Variants in DNAJC1 observed in about 807,000 individuals in gnomAD.
DNAJC1 encodes dnaJ homolog subfamily C member 1.
Under a neutral mutation model 76.6 loss-of-function variants are expected in DNAJC1, and 58 were observed. That is an observed-to-expected ratio of 0.76 (90% CI 0.61 to 0.94). The LOEUF (loss-of-function observed/expected upper bound fraction) is 0.94, where lower values mean the gene tolerates loss of function less well. DNAJC1 is among the 40% of genes least tolerant of loss of function. DNAJC1 has a pLI of 0.00. For synonymous variants in DNAJC1, 258 were observed against 267.9 expected, an observed-to-expected ratio of 0.96 and a Z score of 0.36; for missense variants, 689 against 677.3, an observed-to-expected ratio of 1.02 and a Z score of -0.19.
chr10:21,763,405 TACAG>T (rs1445561315), intron 10 of DNAJC1, among the ~76,000 whole-genome samples: 5 of 152,170 alleles, frequency 3.3e-5, no homozygotes, highest in African/African-American at 1.2e-4. Context: ...GGGAGGCAAA[TACAG>T]ACAGTCTGTG....
intron 1 of DNAJC1, among the ~76,000 whole-genome samples, chr10:21,976,469 A>T (rs1408211320): frequency 6.6e-6 from 1 of 152,186 alleles, no homozygotes; most frequent in African/African-American, 2.4e-5. Context: ...AAGTACCAAC[A>T]TCATCCCACT....
In DNAJC1 at chr10:22,003,474, T is replaced by C. The variant is rs1838561681; in HGVS notation, c.-40A>G. 3.8e-6 allele frequency: 5 copies of C among 1,329,122 alleles called. No individual in the cohort carries two copies. Among genetic ancestry groups the C allele is most frequent in the South Asian group, 2.1e-5 (1 of 47,116 alleles). 82.3% of individuals were successfully genotyped at this position (1,329,122 alleles called of 1,614,324 possible). A position where few individuals can be genotyped will look rare whatever the true frequency, so the allele number is the denominator to read the frequency against. On this transcript the variant is annotated 5_prime_UTR_variant, in exon 1 of 12. Transcript: ENST00000376980. ...AAAGGTCACCCGCCGCGCAGCTCCG[T>C]TGGCCGAGAGCTGGGACGTGGCGGG... is the stretch of plus-strand genomic sequence containing the variant.
At chr10:21,828,412 A>T (rs1835298713) in intron 8 of DNAJC1, among the ~76,000 whole-genome samples, 1 of 152,212 alleles carries the variant, frequency 6.6e-6, no homozygotes, top group Non-Finnish European at 1.5e-5. Flanking sequence ...TTAAGGTATT[A>T]TTTTCATGTT....
chr10:21,831,439 AC>A (rs1268976189), intron 8 of DNAJC1, among the ~76,000 whole-genome samples: 2 of 152,176 alleles, frequency 1.3e-5, no homozygotes, highest in Admixed American at 6.5e-5. Flanking sequence ...AACTAGATTT[AC>A]TTTTCATTCT....
intron 1 of DNAJC1, among the ~76,000 whole-genome samples, chr10:21,963,754 T>C (rs1171087530): frequency 6.6e-6 from 1 of 152,214 alleles, no homozygotes; most frequent in Non-Finnish European, 1.5e-5. Flanking sequence ...TCAATTTTTG[T>C]CTTTAGATAA....
chr10:21,812,075 T>A (rs1163115893), intron 8 of DNAJC1, among the ~76,000 whole-genome samples: 1 of 152,030 alleles, frequency 6.6e-6, no homozygotes, highest in Non-Finnish European at 1.5e-5. Context: ...TTTTTTTTTT[T>A]TGAGATGGAG....
chr10:21,792,223 A>G (rs1728433089), intron 9 of DNAJC1, among the ~76,000 whole-genome samples: 1 of 152,238 alleles, frequency 6.6e-6, no homozygotes, highest in Non-Finnish European at 1.5e-5. Context: ...ATTAGTAACT[A>G]AAAGTCTTCC....
intron 8 of DNAJC1, among the ~76,000 whole-genome samples, chr10:21,861,627 C>T (rs1376957157): frequency 1.3e-5 from 2 of 152,068 alleles, no homozygotes; most frequent in African/African-American, 4.8e-5. Flanking sequence ...GTTGATAAAA[C>T]AGGTTGCAGT....
chr10:21,975,806 A>C (rs937584071), intron 1 of DNAJC1, among the ~76,000 whole-genome samples: 1 of 152,244 alleles, frequency 6.6e-6, no homozygotes, highest in Non-Finnish European at 1.5e-5. Flanking sequence ...GGTTTTAATT[A>C]AGAAACACTT....
chr10:21,788,020 G>A (rs566990423), intron 9 of DNAJC1, among the ~76,000 whole-genome samples: 1 of 152,326 alleles, frequency 6.6e-6, no homozygotes, highest in African/African-American at 2.4e-5. Context: ...GAGCACCTCT[G>A]CTCAGTGGTC....
chr10:21,767,739 T>A (rs1421738457), intron 9 of DNAJC1, among the ~76,000 whole-genome samples: 1 of 152,204 alleles, frequency 6.6e-6, no homozygotes, highest in East Asian at 1.9e-4. Flanking sequence ...CTCATGCCTG[T>A]AATCCCAGCA....
At chr10:21,941,000 C>T (rs1237776879) in intron 1 of DNAJC1, among the ~76,000 whole-genome samples, 1 of 151,172 alleles carries the variant, frequency 6.6e-6, no homozygotes, top group Non-Finnish European at 1.5e-5. Context: ...GCCTGTAATC[C>T]CAGCACTTTG....
chr10:21,936,212 C>T lies in DNAJC1; in HGVS notation c.223-7071G>A, dbSNP rs527517578. Among the ~76,000 whole-genome samples, 432 of 152,216 alleles carry T rather than the reference C, an allele frequency of 2.8e-3. 1 individual carries two copies. The highest frequency in any genetic ancestry group is 0.01 in the African/African-American group (420 of 41,546). ...TTTGCCCTTCAGCCCTGGGAGGACACATAGAAGGGACCATCTATGAGGAAG... is the reference window on the plus strand; with the variant it reads ...TTTGCCCTTCAGCCCTGGGAGGACATATAGAAGGGACCATCTATGAGGAAG... On this transcript the variant is annotated intron_variant, in intron 1 of 11. Transcript: ENST00000376980.
Position 21,896,223 on chromosome 10 carries a change from G to C in DNAJC1, c.820+8299C>G, listed in dbSNP as rs968125081. 2.0e-5 allele frequency among the ~76,000 whole-genome samples: 3 copies of C among 152,264 alleles called. No homozygotes were observed. The East Asian group carries it at 5.8e-4, about 29-fold the overall frequency. On this transcript the variant is annotated intron_variant, in intron 7 of 11. Transcript: ENST00000376980. ...CCACCAGCATGCAACTTCAGCCTGG[G>C]AGAGCTTGCAGGCATGAGACTCCAG...
intron 1 of DNAJC1, among the ~76,000 whole-genome samples, chr10:21,951,937 G>C (rs1035514040): frequency 1.3e-5 from 2 of 152,280 alleles, no homozygotes; most frequent in East Asian, 3.9e-4. Context: ...AATTTAATTA[G>C]ATAAGGAACA....
chr10:21,962,377 T>C (rs920283321), intron 1 of DNAJC1, among the ~76,000 whole-genome samples: 5 of 150,506 alleles, frequency 3.3e-5, no homozygotes, highest in African/African-American at 1.2e-4. Flanking sequence ...TTCTTCAAAA[T>C]TGGAGATGGC....
At chr10:22,003,177 C>A (rs769468809) in intron 1 of DNAJC1, 36 bp downstream of exon 1, 2 of 1,474,804 alleles carry the variant, frequency 1.4e-6, no homozygotes, top group South Asian at 1.4e-5. Flanking sequence ...CTGCCCTGGC[C>A]CCTCTCCGCC....
At chr10:21,866,989 T>C (rs1836011648) in intron 8 of DNAJC1, among the ~76,000 whole-genome samples, 1 of 152,106 alleles carries the variant, frequency 6.6e-6, no homozygotes, top group Non-Finnish European at 1.5e-5. Context: ...AGAACACAAA[T>C]TATTAAAACT....
At chr10:21,950,856 G>C (rs558246762) in intron 1 of DNAJC1, among the ~76,000 whole-genome samples, 2 of 152,288 alleles carry the variant, frequency 1.3e-5, no homozygotes, top group South Asian at 4.1e-4. Flanking sequence ...CTTCATTTCT[G>C]AGAAGGACAA....
Sources: allele counts gnomAD v4.1 joint callset (sites outside exome capture counted in the v4.1 genomes callset), GRCh38; gene constraint gnomAD v4.1.1; transcripts MANE v1.5; gene names NCBI Gene and HGNC (gene_info 2026-07-23, HGNC 2026-07-21).